The following CRTC1 variants were observed in gnomAD, a reference collection of about 807,000 sequenced individuals.
CRTC1 encodes CREB-regulated transcription coactivator 1.
Under a neutral mutation model 66.1 loss-of-function variants are expected in CRTC1, and 18 were observed. That is an observed-to-expected ratio of 0.27 (90% confidence interval 0.19 to 0.40). The LOEUF is 0.40. Ranked by LOEUF, CRTC1 falls within the 10% of genes least tolerant of loss-of-function variation. The probability of loss-of-function intolerance (pLI) is 1.00; values close to 1 mark genes in which losing one functional copy is unlikely to be tolerated. For synonymous variants in CRTC1, 416 were observed against 398.8 expected, an observed-to-expected ratio of 1.04 and a Z score of -0.51; for missense variants, 669 against 887.9, an observed-to-expected ratio of 0.75 and a Z score of 3.13.
chr19:18,756,318 A>G (rs1259719621), intron 6 of CRTC1, among the ~76,000 whole-genome samples: 1 of 114,254 alleles, frequency 8.8e-6, no homozygotes, highest in Non-Finnish European at 1.7e-5. Flanking sequence ...GGGCACCAAG[A>G]GCGAAAACTC....
At chr19:18,714,775 C>T (rs577108597) in intron 1 of CRTC1, among the ~76,000 whole-genome samples, 1 of 152,184 alleles carries the variant, frequency 6.6e-6, no homozygotes, top group Admixed American at 6.5e-5. Context: ...TGTTGATGAC[C>T]CCCGGGGAAC....
chr19:18,728,482 G>T (rs1041909051), intron 1 of CRTC1, among the ~76,000 whole-genome samples: 4 of 152,054 alleles, frequency 2.6e-5, no homozygotes, highest in African/African-American at 7.2e-5. Context: ...GAGCAGCTCC[G>T]GGGAAGTTCT....
intron 1 of CRTC1, among the ~76,000 whole-genome samples, chr19:18,735,073 G>T (rs569485484): frequency 3.3e-5 from 5 of 152,240 alleles, no homozygotes; most frequent in Admixed American, 6.5e-5. Context: ...AGCAAAATGC[G>T]TGAGATCTGG....
Position 18,781,027 on chromosome 19 carries a change from G to T in CRTC1, c.*3645G>T, listed in dbSNP as rs952023879. 4.4e-6 allele frequency: 1 copy of T among 226,930 alleles called. No individual in the cohort carries two copies. The highest frequency in any genetic ancestry group is 8.8e-6 in the Non-Finnish European group (1 of 114,224). 14.1% of individuals were successfully genotyped at this position (226,930 alleles called of 1,614,324 possible). On this transcript the variant is annotated 3_prime_UTR_variant, in exon 14 of 14. Transcript: ENST00000321949. ...GAGTAAGGTCCAGCGGTATTCGGGGGTCCTCTGTCACCTCGCCCTGAAAAC... is the reference window on the plus strand; with the variant it reads ...GAGTAAGGTCCAGCGGTATTCGGGGTTCCTCTGTCACCTCGCCCTGAAAAC...
chr19:18,760,194 C>T lies in CRTC1; in HGVS notation c.852C>T (p.Asn284=), dbSNP rs766752556. 2 of 1,612,410 alleles carry T rather than the reference C, an allele frequency of 1.2e-6. No individual in the cohort carries two copies. The highest frequency in any genetic ancestry group is 2.2e-5 in the South Asian group (2 of 91,012). Residue 284 remains asparagine (N), a synonymous_variant, in exon 8 of 14, where the codon AAC becomes AAT. Transcript: ENST00000321949. This position sits in a 1 kb window ranked among gnomAD's most constrained non-coding sequence, Gnocchi z 6.2. ...SSSSTGNLAA[N]LTHLGIGGAG... is the part of the protein sequence containing the mutation. The stretch of plus-strand genomic sequence containing the variant: ...GCAGCACCGGCAACCTCGCGGCCAA[C>T]CTGACGCACCTGGGCATCGGTGGCG...
At chr19:18,694,852 G>C (rs1325382712) in intron 1 of CRTC1, among the ~76,000 whole-genome samples, 4 of 152,078 alleles carry the variant, frequency 2.6e-5, no homozygotes, top group Non-Finnish European at 5.9e-5. Flanking sequence ...GGTTAGCAAG[G>C]AGAGTGAGGT....
intron 1 of CRTC1, among the ~76,000 whole-genome samples, chr19:18,720,841 A>G (rs975075965): frequency 7.6e-6 from 1 of 131,748 alleles, no homozygotes; most frequent in Non-Finnish European, 1.6e-5. Flanking sequence ...GCTCATGTAC[A>G]CTATGTGCAC....
intron 1 of CRTC1, among the ~76,000 whole-genome samples, chr19:18,706,273 T>G (rs187683103): frequency 2.2e-5 from 3 of 136,058 alleles, no homozygotes; most frequent in Admixed American, 8.3e-5. Flanking sequence ...GGTGCAATCT[T>G]GGCTCACTGC....
rs960567384 is a variant in CRTC1, at chr19:18,775,130, C to A, written c.1512+144C>A. On this transcript the variant is annotated intron_variant, in intron 12 of 13. Coordinates refer to ENST00000321949, the MANE Select transcript of CRTC1 (RefSeq NM_015321.3). ...CCCCTCAGCTTTGCCCCTCGGCCCC[C>A]GCCCCGTCCCATCTGCGGGCTATGG... The A allele has an allele frequency of 2.5e-5, 20 of 789,994 alleles. No individual in the cohort carries two copies. In the East Asian group the frequency reaches 5.1e-4, roughly 20 times the overall value. The allele number at this position is 789,994 out of a possible 1,614,324, so 48.9% of individuals were successfully genotyped here.
At position 18,690,632 on chromosome 19, in the gene CRTC1, G is replaced by T. The variant is rs77148837; in HGVS notation, c.126+6804G>T. Among the ~76,000 whole-genome samples the T allele has an allele frequency of 5.0e-3, 760 of 152,148 alleles. 5 individuals are homozygous for T. Among genetic ancestry groups the T allele is most frequent in the African/African-American group, 0.017 (717 of 41,514 alleles). Reference sequence around the variant, plus strand: ...CCTGTAACCCGTGAATTGGACCTTAGTTGGAAAAAAGGTTTCTGTAGATGT... The same window carrying T: ...CCTGTAACCCGTGAATTGGACCTTATTTGGAAAAAAGGTTTCTGTAGATGT... On this transcript the variant is annotated intron_variant, in intron 1 of 13. Coordinates refer to ENST00000321949, the MANE Select transcript of CRTC1 (RefSeq NM_015321.3).
At position 18,774,957 on chromosome 19, in the gene CRTC1, G is replaced by T; in HGVS notation, c.1483G>T (p.Ala495Ser). The change falls in exon 12 of 14, where the codon GCC becomes TCC. Residue 495 changes from alanine (A) to serine (S), a missense_variant. This residue lies in a region of CRTC1 where 79 missense variants were observed against 100.1 expected (regional missense o/e 0.79). Transcript: ENST00000321949. ...GDAYYEQQMA[A>S]RQANALSHQL... ...CGCGTACTATGAGCAGCAGATGGCG[G>T]CCAGGCAGGCCAATGCTCTGTCCCA... The T allele has an allele frequency of 6.2e-7, 1 of 1,607,914 alleles. No individual in the cohort carries two copies.
At chr19:18,714,491 A>G (rs763512056) in intron 1 of CRTC1, among the ~76,000 whole-genome samples, 12 of 152,102 alleles carry the variant, frequency 7.9e-5, no homozygotes, top group Non-Finnish European at 1.3e-4. Flanking sequence ...TATTTTTAGT[A>G]GAGAGCGGGT....
intron 6 of CRTC1, among the ~76,000 whole-genome samples, chr19:18,755,201 C>G (rs1035258492): frequency 6.6e-6 from 1 of 152,040 alleles, no homozygotes; most frequent in Non-Finnish European, 1.5e-5. Context: ...GTTGGCCAGG[C>G]TGGTCTCAAA....
chr19:18,758,696 CAG>C (rs1248718685), intron 6 of CRTC1, among the ~76,000 whole-genome samples: 1 of 152,210 alleles, frequency 6.6e-6, no homozygotes. Flanking sequence ...AGCCCCAAGA[CAG>C]GGGCAGTGAC....
intron 11 of CRTC1, among the ~76,000 whole-genome samples, chr19:18,773,566 A>G (rs548452694): frequency 5.3e-4 from 81 of 151,980 alleles, no homozygotes; most frequent in Middle Eastern, 3.4e-3. Flanking sequence ...GCTTCAGACC[A>G]GCTCTACGAC....
chr19:18,781,951 AG>A lies in CRTC1; in HGVS notation c.*4573del. On this transcript the variant is annotated 3_prime_UTR_variant, in exon 14 of 14. Transcript: ENST00000321949. ...AACTTCTGATCTCCTGCCCACCAGGAGGGGACTTAGCCATGGACTTGGCCAG... is the reference window on the plus strand; with the variant it reads ...AACTTCTGATCTCCTGCCCACCAGGAGGGACTTAGCCATGGACTTGGCCAG... The A allele has an allele frequency of 4.3e-6, 1 of 230,392 alleles. No homozygotes were observed. The highest frequency in any genetic ancestry group is 1.8e-4 in the South Asian group (1 of 5,508). The allele number at this position is 230,392 out of a possible 1,614,324, so 14.3% of individuals were successfully genotyped here. A position where few individuals can be genotyped will look rare whatever the true frequency, so the allele number is the denominator to read the frequency against.
chr19:18,734,752 CCA>C lies in CRTC1; in HGVS notation c.127-8149_127-8148del, dbSNP rs200986183. ...GGCCTTGCTGCTCCAAGCTGTGTTC[CCA>C]CACACACAGTTTCCAGAGGTGGGCA... On this transcript the variant is annotated intron_variant, in intron 1 of 13. Transcript: ENST00000321949. Among the ~76,000 whole-genome samples, 843 of 152,280 alleles carry C rather than the reference CCA, an allele frequency of 5.5e-3. 5 individuals carry two copies. The highest frequency in any genetic ancestry group is 0.019 in the African/African-American group (785 of 41,550).
chr19:18,703,033 T>TC (rs774815269), intron 1 of CRTC1, among the ~76,000 whole-genome samples: 1 of 151,776 alleles, frequency 6.6e-6, no homozygotes, highest in Non-Finnish European at 1.5e-5. Context: ...TGCCTCAGCC[T>TC]CCTGAATAGC....
intron 1 of CRTC1, among the ~76,000 whole-genome samples, chr19:18,712,310 G>A (rs10409236): frequency 0.035 from 5,386 of 152,128 alleles, 338 homozygotes; most frequent in African/African-American, 0.12. Flanking sequence ...CCAGGCTGGA[G>A]TTCAGTGGCA....
Sources: gnomAD v4.1 joint callset for allele counts (sites outside exome capture counted in the v4.1 genomes callset) on GRCh38, gnomAD v4.1.1 for gene constraint, gnomAD v4.1.1 regional missense constraint, Gnocchi (gnomAD v3.1) non-coding constraint, MANE v1.5 for transcripts, NCBI Gene and HGNC (gene_info 2026-07-23, HGNC 2026-07-21) for gene names.